NALF2: variants seen among roughly 807,000 people sequenced by gnomAD.
The protein encoded by NALF2 is bB57D9.1 (TED protein).
A neutral mutation model predicts 24.8 loss-of-function variants in NALF2; 1 was observed. The ratio of observed to expected loss-of-function variants is 0.04; its 90% CI spans 0.01 to 0.19. The LOEUF (loss-of-function observed/expected upper bound fraction) is 0.19. Ranked by LOEUF, NALF2 falls within the 10% of genes least tolerant of loss-of-function variation. The pLI, the probability that NALF2 is intolerant of heterozygous loss-of-function variation, is 1.00. For synonymous variants in NALF2, 254 were observed against 189.8 expected, an observed-to-expected ratio of 1.34 and a Z score of -2.78; for missense variants, 458 against 409.6, an observed-to-expected ratio of 1.12 and a Z score of -1.02.
intron 1 of NALF2, among the ~76,000 whole-genome samples, chrX:69,517,526 G>A (rs1930679507): frequency 8.9e-6 from 1 of 112,305 alleles, no homozygotes; most frequent in Non-Finnish European, 1.9e-5. Context: ...ATAAATGGTA[G>A]CTATTATTAT....
At chrX:69,525,899 C>G (rs1025989859) in intron 1 of NALF2, among the ~76,000 whole-genome samples, 1 of 110,153 alleles carries the variant, frequency 9.1e-6, no homozygotes, top group Non-Finnish European at 1.9e-5. Context: ...CCCTCTCTTC[C>G]TGCCCTCCTT....
chrX:69,505,141 G>A lies in NALF2; in HGVS notation c.-142G>A. The A allele has an allele frequency of 3.9e-6, 2 of 507,926 alleles. No homozygotes were observed. The highest frequency in any genetic ancestry group is 5.7e-6 in the Non-Finnish European group (2 of 349,040). 41.9% of individuals were successfully genotyped at this position (507,926 alleles called of 1,213,427 possible). A position where few individuals can be genotyped will look rare whatever the true frequency, so the allele number is the denominator to read the frequency against. On this transcript the variant is annotated 5_prime_UTR_variant, in exon 1 of 3. Transcript: ENST00000252338. ...TCCGGCCTGAGCGGGGCATCGCGCC[G>A]GCCGGCCTGCCTCACCATGCAGCCC...
At position 69,532,223 on chromosome X, in the gene NALF2, C is replaced by T. The variant is rs1309059552; in HGVS notation, c.*2267C>T. 1.2e-4 allele frequency: 13 copies of T among 112,671 alleles called. No homozygotes were observed. The highest frequency in any genetic ancestry group is 1.3e-4 in the African/African-American group (4 of 30,895). 9.3% of individuals were successfully genotyped at this position (112,671 alleles called of 1,213,427 possible). On this transcript the variant is annotated 3_prime_UTR_variant, in exon 3 of 3. Transcript: ENST00000252338. ...TGCCCTCCATCACAGACAGCAGAGC[C>T]GGGCAGCTTTCTTATGCCATTTTCT...
At chrX:69,506,271 C>G (rs3788959) in intron 1 of NALF2, 128 bp downstream of exon 1, 1 of 711,033 alleles carries the variant, frequency 1.4e-6, no homozygotes, top group Admixed American at 3.7e-5. Flanking sequence ...CAGTGCAGCA[C>G]TACCAGTGCC....
At chrX:69,520,116 A>G (rs1305625892) in intron 1 of NALF2, among the ~76,000 whole-genome samples, 2 of 112,108 alleles carry the variant, frequency 1.8e-5, no homozygotes, top group African/African-American at 6.5e-5. Context: ...TCTACTGTTG[A>G]TCCTAGGCAA....
chrX:69,516,699 G>T (rs886902986), intron 1 of NALF2, among the ~76,000 whole-genome samples: 4 of 111,782 alleles, frequency 3.6e-5, no homozygotes, highest in African/African-American at 1.3e-4. Flanking sequence ...GATTAAAACA[G>T]GAATAGTGAG....
chrX:69,518,793 C>G (rs1034512296), intron 1 of NALF2, among the ~76,000 whole-genome samples: 2 of 112,310 alleles, frequency 1.8e-5, no homozygotes, highest in East Asian at 5.6e-4. Flanking sequence ...GAATTAAATA[C>G]TTCCAACTCT....
intron 2 of NALF2, 101 bp from the exon 3 acceptor site, chrX:69,529,470 A>G: frequency 9.1e-7 from 1 of 1,100,601 alleles, no homozygotes; most frequent in Non-Finnish European, 1.2e-6. Flanking sequence ...GCCTTAGATG[A>G]GGCTACTTGA....
intron 1 of NALF2, among the ~76,000 whole-genome samples, chrX:69,520,465 G>A (rs752199910): frequency 8.1e-5 from 9 of 111,598 alleles, no homozygotes; most frequent in Admixed American, 2.9e-4. Flanking sequence ...TCATATGGCC[G>A]TGCCTAACTT....
intron 1 of NALF2, among the ~76,000 whole-genome samples, chrX:69,514,131 C>T (rs944372471): frequency 2.8e-5 from 3 of 108,761 alleles, no homozygotes; most frequent in Non-Finnish European, 5.7e-5. Context: ...TGGAGGTTGC[C>T]GTGAGCTGAG....
intron 1 of NALF2, among the ~76,000 whole-genome samples, chrX:69,508,313 A>G (rs1426458489): frequency 2.7e-5 from 3 of 111,680 alleles, no homozygotes; most frequent in East Asian, 2.8e-4. Context: ...GAGGAAACTC[A>G]GGTGCAAGGG....
At chrX:69,510,743 G>T (rs754023143) in intron 1 of NALF2, among the ~76,000 whole-genome samples, 1 of 112,099 alleles carries the variant, frequency 8.9e-6, no homozygotes, top group East Asian at 2.8e-4. Flanking sequence ...AGGAATGTGA[G>T]CATGGGGTTC....
At chrX:69,514,860 A>G (rs1427120591) in intron 1 of NALF2, among the ~76,000 whole-genome samples, 2 of 111,772 alleles carry the variant, frequency 1.8e-5, no homozygotes, top group Admixed American at 1.9e-4. Context: ...ACTGTTTTTT[A>G]CCCTGCTCTT....
chrX:69,532,402 A>G lies in NALF2; in HGVS notation c.*2446A>G, dbSNP rs1032355017. ...CTTACCCTGCCTCTGTGTTTCGGTG[A>G]GAGTCTCTGTATATGTACTGCTTTC... On this transcript the variant is annotated 3_prime_UTR_variant, in exon 3 of 3. Transcript: ENST00000252338. 4.5e-5 allele frequency: 5 copies of G among 111,964 alleles called. No individual in the cohort carries two copies. Among genetic ancestry groups the G allele is most frequent in the African/African-American group, 1.6e-4 (5 of 30,632 alleles). The allele number at this position is 111,964 out of a possible 1,213,427, so 9.2% of individuals were successfully genotyped here.
At chrX:69,527,982 GT>G (rs1457556398) in intron 1 of NALF2, among the ~76,000 whole-genome samples, 1 of 107,091 alleles carries the variant, frequency 9.3e-6, no homozygotes, top group African/African-American at 3.5e-5. Flanking sequence ...ATTTTTTTTG[GT>G]TTTTTTTTGT....
intron 1 of NALF2, among the ~76,000 whole-genome samples, chrX:69,508,931 C>A (rs1387013878): frequency 8.9e-6 from 1 of 112,400 alleles, no homozygotes; most frequent in Admixed American, 9.3e-5. Context: ...CCAGGTGACC[C>A]CCTGTCCCCA....
In NALF2 at chrX:69,529,901, G is replaced by T. The variant is rs761313912; in HGVS notation, c.1364G>T (p.Gly455Val). ...TTCTCCAGCAACCAGGGTGGTGGGG[G>T]ATTGGGGCTGGAGACACTGCCTGCC... ...VSFSSNQGGGGLGLETLPALE... is the reference protein window; with the variant it reads ...VSFSSNQGGGVLGLETLPALE... The change falls in exon 3 of 3, where the codon GGA becomes GTA. Residue 455 changes from glycine to valine, a missense_variant. Transcript: ENST00000252338. 3.3e-6 allele frequency: 4 copies of T among 1,210,959 alleles called. No individual in the cohort carries two copies. Among genetic ancestry groups the T allele is most frequent in the Non-Finnish European group, 4.5e-6 (4 of 895,240 alleles).
At position 69,505,769 on chromosome X, in the gene NALF2, G is replaced by A. The variant is rs770211531; in HGVS notation, c.487G>A (p.Ala163Thr). The change falls in exon 1 of 3, where the codon GCC becomes ACC. Residue 163 changes from alanine to threonine, a missense_variant. By Grantham distance (58) the Ala-to-Thr change is moderately conservative. Coordinates refer to ENST00000252338, the MANE Select transcript of NALF2 (RefSeq NM_015686.3). Reference protein sequence around the residue: ...LQRLFEPTTPAPPLRPPDSLS... With the variant: ...LQRLFEPTTPTPPLRPPDSLS... Reference sequence around the variant, plus strand: ...GAGACTTTTCGAACCGACTACTCCGGCCCCCCCTCTGCGGCCCCCTGACTC... The same window carrying A: ...GAGACTTTTCGAACCGACTACTCCGACCCCCCCTCTGCGGCCCCCTGACTC... 25 of 1,208,554 alleles carry A rather than the reference G, an allele frequency of 2.1e-5. No individual in the cohort carries two copies. The South Asian group carries it at 3.0e-4, about 14-fold the overall frequency.
At chrX:69,516,980 A>G (rs754361097) in intron 1 of NALF2, among the ~76,000 whole-genome samples, 66 of 112,119 alleles carry the variant, frequency 5.9e-4, no homozygotes, top group African/African-American at 2.0e-3. Flanking sequence ...CCTCCCATCC[A>G]GACATACAAA....
Sources: gnomAD v4.1 joint callset for allele counts (sites outside exome capture counted in the v4.1 genomes callset) on GRCh38, gnomAD v4.1.1 for gene constraint, MANE v1.5 for transcripts, NCBI Gene and HGNC (gene_info 2026-07-23, HGNC 2026-07-21) for gene names.